The following RELB variants were observed in gnomAD, a reference collection of about 807,000 sequenced individuals.
RELB encodes RELB proto-oncogene, NF-kB subunit.
A neutral mutation model predicts 55.4 loss-of-function variants in RELB; 14 were observed. The observed-to-expected ratio is 0.25, with a 90% CI of 0.17 to 0.40. The LOEUF (loss-of-function observed/expected upper bound fraction) is 0.40, where lower values mean the gene tolerates loss of function less well. Ranked by LOEUF, RELB falls within the 10% of genes least tolerant of loss-of-function variation. RELB has a pLI of 1.00. For synonymous variants in RELB, 409 were observed against 371.3 expected, an observed-to-expected ratio of 1.10 and a Z score of -1.17; for missense variants, 669 against 830.7, an observed-to-expected ratio of 0.81 and a Z score of 2.39.
At chr19:45,021,456 CAA>C (rs527934701) in intron 4 of RELB, among the ~76,000 whole-genome samples, 59 of 68,912 alleles carry the variant, frequency 8.6e-4, no homozygotes, top group Admixed American at 1.9e-3. Flanking sequence ...GACTCCATCT[CAA>C]AAAAAAAAAA....
At chr19:45,036,927 C>T (rs188904579) in intron 11 of RELB, among the ~76,000 whole-genome samples, 1 of 151,200 alleles carries the variant, frequency 6.6e-6, no homozygotes, top group Non-Finnish European at 1.5e-5. Context: ...GCTTGGCCTT[C>T]AATTTACTTA....
chr19:45,031,578 T>TTTTG (rs750410836), intron 8 of RELB, among the ~76,000 whole-genome samples: 2 of 152,122 alleles, frequency 1.3e-5, no homozygotes, highest in African/African-American at 4.8e-5. Context: ...ATATTAATTC[T>TTTTG]TTTGTTTGTT....
At position 45,037,927 on chromosome 19, in the gene RELB, G is replaced by A; in HGVS notation, c.*137G>A. ...AAGTGGACATATTCAGCCTTGGCGA[G>A]AAGCTCCGTTGCACGGGTTTCCCCT... On this transcript the variant is annotated 3_prime_UTR_variant, in exon 12 of 12. Coordinates refer to ENST00000221452, the MANE Select transcript of RELB (RefSeq NM_006509.4). 1.2e-6 allele frequency: 1 copy of A among 865,868 alleles called. No homozygotes were observed. The highest frequency in any genetic ancestry group is 3.2e-5 in the East Asian group (1 of 30,840). The allele number at this position is 865,868 out of a possible 1,614,324, so 53.6% of individuals were successfully genotyped here. A position where few individuals can be genotyped will look rare whatever the true frequency, so the allele number is the denominator to read the frequency against.
At chr19:45,006,973 G>T (rs200172764) in intron 2 of RELB, among the ~76,000 whole-genome samples, 9 of 145,330 alleles carry the variant, frequency 6.2e-5, no homozygotes, top group African/African-American at 2.3e-4. Flanking sequence ...AAAAAAAAAA[G>T]AAAATGATAA....
chr19:45,013,244 C>T (rs141450169), intron 4 of RELB, among the ~76,000 whole-genome samples: 211 of 151,850 alleles, frequency 1.4e-3, no homozygotes, highest in African/African-American at 4.2e-3. Flanking sequence ...CGGGTTCAAG[C>T]GATTCTCCTG....
At chr19:45,002,262 G>A (rs768141544) in intron 1 of RELB, among the ~76,000 whole-genome samples, 6 of 152,224 alleles carry the variant, frequency 3.9e-5, no homozygotes, top group Non-Finnish European at 7.3e-5. Flanking sequence ...GGAGGGGGTG[G>A]GGCTTGCCTC....
chr19:45,022,025 C>A, intron 4 of RELB, 28 bp from the exon 5 acceptor site: 2 of 1,585,258 alleles, frequency 1.3e-6, no homozygotes, highest in Non-Finnish European at 1.7e-6. Flanking sequence ...GGTGATGGGA[C>A]CCCCAAAGAG....
intron 8 of RELB, among the ~76,000 whole-genome samples, chr19:45,032,025 C>T (rs748743916): frequency 6.6e-6 from 1 of 151,692 alleles, no homozygotes; most frequent in Non-Finnish European, 1.5e-5. Context: ...ATCACGAGGT[C>T]AGGAGAGCGA....
At chr19:45,019,396 A>T (rs1971457562) in intron 4 of RELB, among the ~76,000 whole-genome samples, 1 of 152,058 alleles carries the variant, frequency 6.6e-6, no homozygotes, top group African/African-American at 2.4e-5. Flanking sequence ...TCATTTACAA[A>T]TGAATTGTAG....
chr19:45,025,567 C>A, intron 6 of RELB, 39 bp from the exon 7 acceptor site: 2 of 1,612,510 alleles, frequency 1.2e-6, no homozygotes, highest in Non-Finnish European at 1.7e-6. Flanking sequence ...AGAGGGTCTC[C>A]ACTTCCCACC....
At chr19:45,036,880 G>A (rs780110987) in intron 11 of RELB, among the ~76,000 whole-genome samples, 22 of 151,994 alleles carry the variant, frequency 1.4e-4, no homozygotes, top group African/African-American at 3.6e-4. Context: ...ACAGGGTCTC[G>A]TCACGTTGTG....
In RELB at chr19:45,014,461, G is replaced by A. The variant is rs1033309101; in HGVS notation, c.504+2185G>A. ...GTTGGAATTACATGTGTGAGCCACC[G>A]CACCGGCCTAATTTCTAAGTCTTCC... is the stretch of plus-strand genomic sequence containing the variant. On this transcript the variant is annotated intron_variant, in intron 4 of 11. Transcript: ENST00000221452. Among the ~76,000 whole-genome samples, 8 of 151,512 alleles carry A rather than the reference G, an allele frequency of 5.3e-5. No individual in the cohort carries two copies. The East Asian group carries it at 5.8e-4, about 11-fold the overall frequency.
intron 7 of RELB, 57 bp downstream of exon 7, chr19:45,025,794 T>C: frequency 6.2e-7 from 1 of 1,608,160 alleles, no homozygotes; most frequent in Non-Finnish European, 8.5e-7. Context: ...TGTCAGAATG[T>C]CCCGCTTACA....
At chr19:45,002,908 T>G in intron 1 of RELB, 41 bp from the exon 2 acceptor site, 2 of 1,576,498 alleles carry the variant, frequency 1.3e-6, no homozygotes, top group Non-Finnish European at 1.7e-6. Flanking sequence ...GTCCTCTGGC[T>G]GCCCCCCATC....
Position 45,025,315 on chromosome 19 carries a change from C to G in RELB, c.663-14C>G, listed in dbSNP as rs34954034. 2.2e-5 allele frequency: 35 copies of G among 1,595,868 alleles called. No individual in the cohort carries two copies. Among genetic ancestry groups the G allele is most frequent in the Non-Finnish European group, 2.8e-5 (33 of 1,169,076 alleles). The stretch of plus-strand genomic sequence containing the variant: ...CTCACGAGCACTCCTCTCCCTCCCC[C>G]GTCACCCCCTCAGTTTTAACAACCT... On this transcript the variant is annotated splice_polypyrimidine_tract_variant and intron_variant, in intron 5 of 11. Transcript: ENST00000221452.
intron 2 of RELB, among the ~76,000 whole-genome samples, chr19:45,003,823 T>C (rs902031265): frequency 6.0e-5 from 9 of 150,948 alleles, no homozygotes; most frequent in Non-Finnish European, 1.2e-4. Context: ...AGTGGTATAA[T>C]AATAATAACG....
chr19:45,037,460 C>G lies in RELB; in HGVS notation c.1410C>G (p.Thr470=), dbSNP rs764829693. ...CAGACCCTGACTTCTTCTCTGGCACCGTGTCCCTGCCCGGCCTGGAGCCCC... is the reference window on the plus strand; with the variant it reads ...CAGACCCTGACTTCTTCTCTGGCACGGTGTCCCTGCCCGGCCTGGAGCCCC... ...LLPDPDFFSG[T]VSLPGLEPPG... is the part of the protein sequence containing the mutation. Residue 470 remains threonine (T), a synonymous_variant, in exon 12 of 12, where the codon ACC becomes ACG. Coordinates refer to ENST00000221452, the MANE Select transcript of RELB (RefSeq NM_006509.4). 3 of 1,608,120 alleles carry G rather than the reference C, an allele frequency of 1.9e-6. No individual in the cohort carries two copies. Among genetic ancestry groups the G allele is most frequent in the Non-Finnish European group, 2.5e-6 (3 of 1,178,844 alleles).
Position 45,012,078 on chromosome 19 carries a change from C to A in RELB, c.306C>A (p.Ala102=). The part of the protein sequence containing the change: ...TVTLGPVAPP[A]TPPPWGCPLG... ...CCCTGGGCCCTGTGGCGCCCCCAGC[C>A]ACGCCGCCGCCTTGGGGCTGCCCCC... The change falls in exon 4 of 12, where the codon GCC becomes GCA. Residue 102 remains alanine (A), a synonymous_variant. Coordinates refer to ENST00000221452, the MANE Select transcript of RELB (RefSeq NM_006509.4). 2 of 1,549,190 alleles carry A rather than the reference C, an allele frequency of 1.3e-6. No individual in the cohort carries two copies. Among genetic ancestry groups the A allele is most frequent in the Non-Finnish European group, 1.7e-6 (2 of 1,152,628 alleles).
intron 5 of RELB, among the ~76,000 whole-genome samples, chr19:45,025,005 A>G (rs1971540322): frequency 6.6e-6 from 1 of 151,912 alleles, no homozygotes; most frequent in Admixed American, 6.6e-5. Context: ...GATTACAGGC[A>G]TGCACTACTA....
Sources: allele counts gnomAD v4.1 joint callset (sites outside exome capture counted in the v4.1 genomes callset), GRCh38; gene constraint gnomAD v4.1.1; transcripts MANE v1.5; gene names NCBI Gene and HGNC (gene_info 2026-07-23, HGNC 2026-07-21).